Variants in TOR1AIP1 observed in about 807,000 individuals in gnomAD.
The protein encoded by TOR1AIP1 is torsin-1A-interacting protein 1.
TOR1AIP1 carries 54 observed loss-of-function variants against 63.3 expected under a neutral mutation model. The observed-to-expected ratio is 0.85, with a 90% CI of 0.69 to 1.07. The LOEUF is 1.07. Among genes scored for constraint, TOR1AIP1 ranks in the 50% least tolerant of loss-of-function variants. The probability of loss-of-function intolerance (pLI) is 0.00; values close to 1 mark genes in which losing one functional copy is unlikely to be tolerated. For synonymous variants in TOR1AIP1, 294 were observed against 273.5 expected, an observed-to-expected ratio of 1.07 and a Z score of -0.74; for missense variants, 736 against 715.0, an observed-to-expected ratio of 1.03 and a Z score of -0.33.
At chr1:179,898,048 G>A (rs1648339725) in intron 3 of TOR1AIP1, among the ~76,000 whole-genome samples, 1 of 151,856 alleles carries the variant, frequency 6.6e-6, no homozygotes, top group Non-Finnish European at 1.5e-5. Context: ...GTTGCAGTGA[G>A]CCAAGATCAC....
chr1:179,882,913 G>A lies in TOR1AIP1; in HGVS notation c.411G>A (p.Gln137=), dbSNP rs982537336. 1.2e-6 allele frequency: 2 copies of A among 1,613,980 alleles called. No homozygotes were observed. The highest frequency in any genetic ancestry group is 3.3e-5 in the Admixed American group (2 of 60,008). Residue 137 remains glutamine (Q), a synonymous_variant, in exon 1 of 10, where the codon CAG becomes CAA. Coordinates refer to ENST00000606911, the MANE Select transcript of TOR1AIP1 (RefSeq NM_015602.4). ...TTRLQQQHSE[Q]PPLQPSPVMT... is the part of the protein sequence containing the mutation. ...GCCTTCAGCAGCAGCACTCAGAGCA[G>A]CCTCCGCTACAGCCGTCTCCTGTTA... is the stretch of plus-strand genomic sequence containing the variant.
intron 2 of TOR1AIP1, among the ~76,000 whole-genome samples, chr1:179,888,566 G>A (rs1647973875): frequency 6.6e-6 from 1 of 152,208 alleles, no homozygotes; most frequent in Non-Finnish European, 1.5e-5. Context: ...GAATATTTAA[G>A]GGGATCATCA....
At chr1:179,898,469 C>G (rs3753398) in intron 3 of TOR1AIP1, among the ~76,000 whole-genome samples, 19,006 of 152,110 alleles carry the variant, frequency 0.12, 1,297 homozygotes, top group African/African-American at 0.16. Context: ...TAAAGTAAAA[C>G]TGCTATACAA....
chr1:179,915,867 A>G (rs1648974116), intron 9 of TOR1AIP1, among the ~76,000 whole-genome samples: 1 of 152,264 alleles, frequency 6.6e-6, no homozygotes, highest in Non-Finnish European at 1.5e-5. Context: ...ATATCTGCCA[A>G]ATACACAAGT....
chr1:179,883,203 C>T (rs1354532924), intron 1 of TOR1AIP1: 2 of 584,104 alleles, frequency 3.4e-6, no homozygotes, highest in South Asian at 2.0e-5. Context: ...TGTGGAGCGA[C>T]CCGGGCAGGG....
chr1:179,904,048 C>T, intron 6 of TOR1AIP1, 26 bp downstream of exon 6: 1 of 1,552,090 alleles, frequency 6.4e-7, no homozygotes, highest in Non-Finnish European at 8.8e-7. Flanking sequence ...TTTACAGTGT[C>T]TTCCTGTGAG....
In TOR1AIP1 at chr1:179,903,812, A is replaced by T. The variant is rs558250355; in HGVS notation, c.740-154A>T. On this transcript the variant is annotated intron_variant, in intron 5 of 9. Transcript: ENST00000606911. ...GCAAGAGCCACTGCACCCAGCCTAGAAATTTTTTAAATAAATTATGCATCC... is the reference window on the plus strand; with the variant it reads ...GCAAGAGCCACTGCACCCAGCCTAGTAATTTTTTAAATAAATTATGCATCC... Among the ~76,000 whole-genome samples the T allele has an allele frequency of 3.3e-5, 5 of 152,312 alleles. No homozygotes were observed. The East Asian group carries it at 9.7e-4, about 29-fold the overall frequency.
chr1:179,888,143 C>T (rs1647963146), intron 2 of TOR1AIP1, among the ~76,000 whole-genome samples: 1 of 152,216 alleles, frequency 6.6e-6, no homozygotes, highest in South Asian at 2.1e-4. Context: ...TTAGTAAAAG[C>T]AGACAAACCA....
chr1:179,899,060 G>A (rs76867143), intron 3 of TOR1AIP1, among the ~76,000 whole-genome samples: 14,881 of 152,120 alleles, frequency 0.098, 800 homozygotes, highest in East Asian at 0.14. Context: ...CAAATTCACC[G>A]TATAATGTGT....
intron 8 of TOR1AIP1, chr1:179,913,713 C>T: frequency 1.4e-6 from 1 of 700,344 alleles, no homozygotes; most frequent in East Asian, 2.7e-5. Context: ...CCATTAGATA[C>T]TTAATGGGTC....
chr1:179,888,392 G>A (rs1228401078), intron 2 of TOR1AIP1, among the ~76,000 whole-genome samples: 3 of 152,046 alleles, frequency 2.0e-5, no homozygotes, highest in African/African-American at 2.4e-5. Context: ...TCCTGCCTTC[G>A]CCTCCCAAAT....
At position 179,917,943 on chromosome 1, in the gene TOR1AIP1, G is replaced by A. The variant is rs138345857; in HGVS notation, c.1456G>A (p.Ala486Thr). 2.4e-5 allele frequency: 38 copies of A among 1,614,194 alleles called. No individual in the cohort carries two copies. The highest frequency in any genetic ancestry group is 1.9e-4 in the African/African-American group (14 of 75,042). Residue 486 changes from alanine to threonine, a missense_variant, in exon 10 of 10, where the codon GCA becomes ACA. Coordinates refer to ENST00000606911, the MANE Select transcript of TOR1AIP1 (RefSeq NM_015602.4). ...AVVHRFESFP[A>T]GSTLIFYKYC... is the part of the protein sequence containing the mutation. Reference sequence around the variant, plus strand: ...GGTACACCGCTTTGAGTCATTTCCCGCAGGCTCTACTTTGATCTTCTACAA... The same window carrying A: ...GGTACACCGCTTTGAGTCATTTCCCACAGGCTCTACTTTGATCTTCTACAA...
chr1:179,912,002 C>CTTTTTTTTTTTTTTTT (rs1558046486), intron 8 of TOR1AIP1, among the ~76,000 whole-genome samples: 2 of 127,986 alleles, frequency 1.6e-5, no homozygotes, highest in African/African-American at 2.9e-5. Flanking sequence ...TTTCTTTTTT[C>CTTTTTTTTTTTTTTTT]TTTTTTTTCT....
intron 2 of TOR1AIP1, among the ~76,000 whole-genome samples, chr1:179,887,427 C>T (rs1647943403): frequency 6.6e-6 from 1 of 151,852 alleles, no homozygotes; most frequent in Non-Finnish European, 1.5e-5. Context: ...ACCAAAGGAC[C>T]ACCTTATAAA....
chr1:179,913,493 G>A, intron 8 of TOR1AIP1: 1 of 686,500 alleles, frequency 1.5e-6, no homozygotes, highest in Non-Finnish European at 2.6e-6. Context: ...GTAGAAAATA[G>A]TGAGGATTAA....
At chr1:179,910,382 A>G (rs1202038357) in intron 8 of TOR1AIP1, among the ~76,000 whole-genome samples, 3 of 152,202 alleles carry the variant, frequency 2.0e-5, no homozygotes, top group Admixed American at 1.3e-4. Flanking sequence ...ACCAAATGAC[A>G]TGCGTGGCTC....
chr1:179,898,407 C>G (rs999252207), intron 3 of TOR1AIP1, among the ~76,000 whole-genome samples: 1 of 152,026 alleles, frequency 6.6e-6, no homozygotes, highest in African/African-American at 2.4e-5. Flanking sequence ...ATTATTGATT[C>G]TTAAGAAAGC....
chr1:179,900,193 A>T, intron 4 of TOR1AIP1, 26 bp downstream of exon 4: 1 of 1,480,880 alleles, frequency 6.8e-7, no homozygotes, highest in Non-Finnish European at 9.4e-7. Flanking sequence ...ATATCATATA[A>T]TATATACTTT....
At position 179,882,361 on chromosome 1, in the gene TOR1AIP1, G is replaced by C; in HGVS notation, c.-142G>C. On this transcript the variant is annotated 5_prime_UTR_variant, in exon 1 of 10. Coordinates refer to ENST00000606911, the MANE Select transcript of TOR1AIP1 (RefSeq NM_015602.4). ...GCTACACAGCAGCGACGACGCAGGCGGCGGCCCCAGCGACTCGCAACTGCC... is the reference window on the plus strand; with the variant it reads ...GCTACACAGCAGCGACGACGCAGGCCGCGGCCCCAGCGACTCGCAACTGCC... 1.3e-6 allele frequency: 1 copy of C among 784,652 alleles called. No homozygotes were observed. The highest frequency in any genetic ancestry group is 1.8e-6 in the Non-Finnish European group (1 of 548,530). 48.6% of individuals were successfully genotyped at this position (784,652 alleles called of 1,614,324 possible).
Sources: gnomAD v4.1 joint callset for allele counts (sites outside exome capture counted in the v4.1 genomes callset) on GRCh38, gnomAD v4.1.1 for gene constraint, MANE v1.5 for transcripts, NCBI Gene and HGNC (gene_info 2026-07-23, HGNC 2026-07-21) for gene names.